The following DRGX variants were observed in gnomAD, a reference collection of about 807,000 sequenced individuals.
DRGX encodes dorsal root ganglia homeobox protein.
Under a neutral mutation model 28.6 loss-of-function variants are expected in DRGX, and 21 were observed. That is an observed-to-expected ratio of 0.73 (90% CI 0.52 to 1.06). The LOEUF (loss-of-function observed/expected upper bound fraction) is 1.06, where lower values mean the gene tolerates loss of function less well. Among genes scored for constraint, DRGX ranks in the 50% least tolerant of loss-of-function variants. The pLI is 0.00. For synonymous variants in DRGX, 136 were observed against 139.1 expected (o/e 0.98, Z 0.16); for missense variants, 354 against 343.9 (o/e 1.03, Z -0.23).
chr10:49,391,531 A>T (rs1231225665), intron 2 of DRGX, among the ~76,000 whole-genome samples: 1 of 152,136 alleles, frequency 6.6e-6, no homozygotes, highest in Non-Finnish European at 1.5e-5. Context: ...GAAATTCTAG[A>T]CTCTGAACCA....
chr10:49,380,741 T>C (rs941249361), intron 6 of DRGX, among the ~76,000 whole-genome samples: 1 of 152,152 alleles, frequency 6.6e-6, no homozygotes, highest in Non-Finnish European at 1.5e-5. Flanking sequence ...TAAATTTCAG[T>C]AGCAATAAAG....
At chr10:49,383,207 G>A (rs577965676) in intron 6 of DRGX, among the ~76,000 whole-genome samples, 8 of 152,350 alleles carry the variant, frequency 5.3e-5, no homozygotes, top group South Asian at 2.1e-4. Flanking sequence ...TACAACTACA[G>A]ACCCCCTCTT....
At chr10:49,378,146 G>A (rs1849735358) in intron 6 of DRGX, among the ~76,000 whole-genome samples, 1 of 152,036 alleles carries the variant, frequency 6.6e-6, no homozygotes, top group South Asian at 2.1e-4. Flanking sequence ...CAGAAGAAGT[G>A]ATGAAATTCA....
chr10:49,388,668 C>A (rs17010003), intron 4 of DRGX, among the ~76,000 whole-genome samples: 6,192 of 152,330 alleles, frequency 0.041, 170 homozygotes, highest in African/African-American at 0.051. Context: ...TGACTTTGCA[C>A]TGACAGTTCG....
intron 6 of DRGX, among the ~76,000 whole-genome samples, chr10:49,378,263 G>T (rs962090612): frequency 6.6e-6 from 1 of 151,638 alleles, no homozygotes; most frequent in Admixed American, 6.6e-5. Context: ...AAAAAAAAAG[G>T]CAGCAAACAC....
At chr10:49,391,348 G>C in intron 2 of DRGX, 87 bp from the exon 3 acceptor site, 1 of 992,146 alleles carries the variant, frequency 1.0e-6, no homozygotes, top group Non-Finnish European at 1.6e-6. Flanking sequence ...GCACCCACCT[G>C]ACCCACCAGA....
chr10:49,386,997 C>T (rs979791392), intron 4 of DRGX, 139 bp from the exon 5 acceptor site: 3 of 983,532 alleles, frequency 3.1e-6, no homozygotes, highest in Non-Finnish European at 4.2e-6. Context: ...CAGCGTCAGG[C>T]CCACAGAGGG....
At chr10:49,375,102 T>A (rs7075932) in intron 6 of DRGX, among the ~76,000 whole-genome samples, 8,900 of 152,314 alleles carry the variant, frequency 0.058, 740 homozygotes, top group African/African-American at 0.19. Flanking sequence ...CAGTCACCAA[T>A]AATCAAACAA....
intron 2 of DRGX, among the ~76,000 whole-genome samples, chr10:49,394,372 C>A (rs555433320): frequency 6.6e-6 from 1 of 152,204 alleles, no homozygotes; most frequent in African/African-American, 2.4e-5. Flanking sequence ...GGTCTCCTAG[C>A]GCCTCACAAC....
At chr10:49,394,485 A>C (rs574153895) in intron 2 of DRGX, among the ~76,000 whole-genome samples, 28 of 152,350 alleles carry the variant, frequency 1.8e-4, no homozygotes, top group Non-Finnish European at 3.8e-4. Context: ...TCCGACGGTT[A>C]CAAAAGTCCC....
rs565865041 is a variant in DRGX, at chr10:49,376,401, G to A, written c.527-10020C>T. ...CCTCAGTAACAAGCCAGGAGCCCTGGGAGACTGTGTTGCTTTCCTGGAGCC... is the reference window on the plus strand; with the variant it reads ...CCTCAGTAACAAGCCAGGAGCCCTGAGAGACTGTGTTGCTTTCCTGGAGCC... On this transcript the variant is annotated intron_variant, in intron 6 of 6. Coordinates refer to ENST00000374139, the MANE Select transcript of DRGX (RefSeq NM_001276451.2). 2.6e-5 allele frequency among the ~76,000 whole-genome samples: 4 copies of A among 152,124 alleles called. No individual in the cohort carries two copies. The South Asian group carries it at 8.3e-4, about 32-fold the overall frequency.
At chr10:49,379,739 C>A (rs1409025535) in intron 6 of DRGX, among the ~76,000 whole-genome samples, 1 of 152,250 alleles carries the variant, frequency 6.6e-6, no homozygotes, top group African/African-American at 2.4e-5. Flanking sequence ...CATCTTCAGA[C>A]ACTCGGTGCA....
At chr10:49,395,805 C>A in intron 1 of DRGX, 130 bp downstream of exon 1, 1 of 323,100 alleles carries the variant, frequency 3.1e-6, no homozygotes, top group Non-Finnish European at 5.8e-6. Flanking sequence ...AAGCCCTGCA[C>A]CCGGGCCACC....
chr10:49,370,017 C>T (rs1849639162), intron 6 of DRGX, among the ~76,000 whole-genome samples: 1 of 152,078 alleles, frequency 6.6e-6, no homozygotes, highest in South Asian at 2.1e-4. Flanking sequence ...AGGGTTTTCA[C>T]ACGTCCCTCC....
chr10:49,386,622 C>T (rs1008011721), intron 5 of DRGX, 32 bp from the exon 6 acceptor site: 24 of 1,591,198 alleles, frequency 1.5e-5, no homozygotes, highest in Middle Eastern at 1.7e-4. Flanking sequence ...ATTGAGGTCT[C>T]GCCCTGTGTC....
intron 6 of DRGX, among the ~76,000 whole-genome samples, chr10:49,367,206 A>T (rs1013450929): frequency 6.6e-6 from 1 of 152,078 alleles, no homozygotes. Context: ...ATAAAAATAA[A>T]AAATAAATTA....
intron 6 of DRGX, among the ~76,000 whole-genome samples, chr10:49,385,691 A>G (rs1849824694): frequency 6.6e-6 from 1 of 151,950 alleles, no homozygotes; most frequent in Non-Finnish European, 1.5e-5. Context: ...TGTGTCTCCT[A>G]CTTCCTATTA....
chr10:49,394,655 C>T (rs1433699175), intron 2 of DRGX, among the ~76,000 whole-genome samples: 7 of 152,222 alleles, frequency 4.6e-5, no homozygotes, highest in Non-Finnish European at 8.8e-5. Flanking sequence ...TCCCAACTGT[C>T]CCCTTCTCAC....
intron 6 of DRGX, among the ~76,000 whole-genome samples, chr10:49,377,019 C>G (rs1034240957): frequency 2.0e-5 from 3 of 152,200 alleles, no homozygotes; most frequent in Non-Finnish European, 4.4e-5. Context: ...AGATGCTCAA[C>G]CTGTGGTTCA....
Sources: allele counts gnomAD v4.1 joint callset (sites outside exome capture counted in the v4.1 genomes callset), GRCh38; gene constraint gnomAD v4.1.1; transcripts MANE v1.5; gene names NCBI Gene and HGNC (gene_info 2026-07-23, HGNC 2026-07-21).